ZNF469: variants seen among roughly 807,000 people sequenced by gnomAD.
ZNF469 encodes the protein zinc finger protein 469.
In ZNF469, 1 loss-of-function variant was observed where a neutral mutation model predicts 1.0. The ratio of observed to expected loss-of-function variants is 1.00; its 90% CI spans 0.35 to 4.73. The LOEUF (loss-of-function observed/expected upper bound fraction) is 4.73, where lower values mean the gene tolerates loss of function less well. ZNF469 is among the 30% of genes most tolerant of loss of function. ZNF469 has a pLI of 0.16. For missense variants in ZNF469, 6,100 were observed against 5,356.3 expected (o/e 1.14, Z -4.33); for synonymous variants, 2,703 against 2,363.4 (o/e 1.14, Z -4.17).
chr16:88,171,033 G>C, the ZNF469 span, among the ~76,000 whole-genome samples: 1 of 152,290 alleles, frequency 6.6e-6, no homozygotes, highest in African/African-American at 2.4e-5. Flanking sequence ...GGTCAGCACT[G>C]TAGTAATACA....
At chr16:88,359,402 G>T in the ZNF469 span, among the ~76,000 whole-genome samples, 6 of 151,600 alleles carry the variant, frequency 4.0e-5, no homozygotes, top group South Asian at 2.1e-4. Context: ...TGAGTGTCCC[G>T]CGGGCTCGGT....
the ZNF469 span, among the ~76,000 whole-genome samples, chr16:88,351,788 C>T: frequency 1.3e-5 from 2 of 152,150 alleles, no homozygotes; most frequent in Admixed American, 6.5e-5. Flanking sequence ...GGCCGGGCCA[C>T]GCTTTGCCAC....
chr16:88,238,131 T>C, the ZNF469 span, among the ~76,000 whole-genome samples: 1 of 152,242 alleles, frequency 6.6e-6, no homozygotes, highest in Non-Finnish European at 1.5e-5. Flanking sequence ...TTTCACCTGT[T>C]TCTCTGTGCT....
the ZNF469 span, among the ~76,000 whole-genome samples, chr16:88,270,480 C>A: frequency 6.6e-6 from 1 of 152,208 alleles, no homozygotes; most frequent in Admixed American, 6.5e-5. Flanking sequence ...AGGCCGGACT[C>A]CACATGGCTG....
At chr16:88,357,339 C>G in the ZNF469 span, among the ~76,000 whole-genome samples, 1 of 152,224 alleles carries the variant, frequency 6.6e-6, no homozygotes, top group African/African-American at 2.4e-5. Flanking sequence ...CACCTCTCCA[C>G]GGGTCTAGAC....
the ZNF469 span, among the ~76,000 whole-genome samples, chr16:88,260,071 G>A: frequency 2.6e-5 from 4 of 151,762 alleles, no homozygotes; most frequent in Non-Finnish European, 4.4e-5. The surrounding 1 kb of genome is among the most constrained non-coding windows in gnomAD (Gnocchi z 4.1). Flanking sequence ...TCCGCCTCCC[G>A]GGTTCACGTG....
the ZNF469 span, among the ~76,000 whole-genome samples, chr16:88,340,722 C>T: frequency 6.8e-6 from 1 of 146,554 alleles, no homozygotes; most frequent in Non-Finnish European, 1.5e-5. Context: ...GAACAGAATC[C>T]GCCTGCCTGG....
chr16:88,330,624 G>A, the ZNF469 span, among the ~76,000 whole-genome samples: 4 of 152,194 alleles, frequency 2.6e-5, no homozygotes, highest in African/African-American at 7.2e-5. Flanking sequence ...GGCTTGCCAC[G>A]TGTAGAGGCA....
the ZNF469 span, among the ~76,000 whole-genome samples, chr16:88,253,539 T>G: frequency 2.7e-5 from 4 of 150,910 alleles, no homozygotes; most frequent in Admixed American, 2.0e-4. Flanking sequence ...TTTTTGTTGT[T>G]GTTGTTTTTG....
the ZNF469 span, among the ~76,000 whole-genome samples, chr16:88,170,547 G>A: frequency 6.6e-6 from 1 of 152,144 alleles, no homozygotes; most frequent in African/African-American, 2.4e-5. This position sits in a 1 kb window ranked among gnomAD's most constrained non-coding sequence, Gnocchi z 4.2. Flanking sequence ...TTGTCTTTCT[G>A]CACCTGGCTC....
chr16:88,419,909 G>A (rs373432077), intron 1 of ZNF469, among the ~76,000 whole-genome samples: 34 of 152,392 alleles, frequency 2.2e-4, no homozygotes, highest in African/African-American at 8.2e-4. Flanking sequence ...GCCCTCCTCT[G>A]CCAAAGGGAG....
chr16:88,160,324 T>C, the ZNF469 span, among the ~76,000 whole-genome samples: 1 of 152,198 alleles, frequency 6.6e-6, no homozygotes, highest in Non-Finnish European at 1.5e-5. Context: ...GATTTTATTT[T>C]TGAAGTGACC....
At chr16:88,113,379 T>G in the ZNF469 span, among the ~76,000 whole-genome samples, 1 of 152,212 alleles carries the variant, frequency 6.6e-6, no homozygotes, top group South Asian at 2.1e-4. Flanking sequence ...GGTATGTTCT[T>G]GCCACCTTTG....
chr16:88,324,636 A>T, the ZNF469 span, among the ~76,000 whole-genome samples: 1 of 152,256 alleles, frequency 6.6e-6, no homozygotes, highest in Non-Finnish European at 1.5e-5. Flanking sequence ...GGAGTGCGCC[A>T]GGGTGAGTGC....
chr16:88,397,650 AATAAG>A (rs1567500466), intron 1 of ZNF469, among the ~76,000 whole-genome samples: 8 of 145,458 alleles, frequency 5.5e-5, no homozygotes, highest in Non-Finnish European at 9.0e-5. Context: ...GATGGATATA[AATAAG>A]AGATAGATAG....
the ZNF469 span, among the ~76,000 whole-genome samples, chr16:88,174,060 A>G: frequency 3.9e-5 from 6 of 152,206 alleles, no homozygotes; most frequent in African/African-American, 1.4e-4. Flanking sequence ...ATTGTAAGAT[A>G]CAGTAAAGAA....
the ZNF469 span, among the ~76,000 whole-genome samples, chr16:88,122,827 A>G: frequency 1.3e-5 from 2 of 152,044 alleles, no homozygotes; most frequent in African/African-American, 4.8e-5. Context: ...AACTCTGTGT[A>G]TATATGTGTG....
the ZNF469 span, among the ~76,000 whole-genome samples, chr16:88,156,138 C>T: frequency 1.3e-5 from 2 of 152,176 alleles, no homozygotes; most frequent in African/African-American, 4.8e-5. Context: ...TTCATATAGT[C>T]CAGATACATG....
intron 1 of ZNF469, among the ~76,000 whole-genome samples, chr16:88,413,620 CAGCGTTAT>C (rs1269952656): frequency 6.6e-6 from 1 of 152,240 alleles, no homozygotes; most frequent in Non-Finnish European, 1.5e-5. Context: ...GAGCTGGGGG[CAGCGTTAT>C]AGCAAGGTTC....
Sources: gnomAD v4.1 joint callset for allele counts (sites outside exome capture counted in the v4.1 genomes callset) on GRCh38, gnomAD v4.1.1 for gene constraint, Gnocchi (gnomAD v3.1) non-coding constraint, MANE v1.5 for transcripts, NCBI Gene and HGNC (gene_info 2026-07-23, HGNC 2026-07-21) for gene names.